The following SMOC1 variants were observed in gnomAD, a reference collection of about 807,000 sequenced individuals.
The protein encoded by SMOC1 is SPARC related modular calcium binding 1, also known as SPARC-related modular calcium-binding protein 1.
Under a neutral mutation model 56.3 loss-of-function variants are expected in SMOC1, and 22 were observed. That is an observed-to-expected ratio of 0.39 (90% CI 0.28 to 0.56). The LOEUF is 0.56. Among genes scored for constraint, SMOC1 ranks in the 20% least tolerant of loss-of-function variants. The pLI is 0.61. For synonymous variants in SMOC1, 193 were observed against 215.0 expected (o/e 0.90, Z 0.89); for missense variants, 509 against 565.4 (o/e 0.90, Z 1.01).
At chr14:69,909,180 G>A (rs2139342425) in intron 1 of SMOC1, among the ~76,000 whole-genome samples, 1 of 152,232 alleles carries the variant, frequency 6.6e-6, no homozygotes, top group Non-Finnish European at 1.5e-5. Context: ...ACTTTATCAA[G>A]TGCTGAAAAA....
chr14:69,962,246 T>G (rs1566689964), intron 3 of SMOC1, among the ~76,000 whole-genome samples: 1 of 152,168 alleles, frequency 6.6e-6, no homozygotes, highest in African/African-American at 2.4e-5. Flanking sequence ...CACTGCAACC[T>G]CTGCCTCCTG....
At chr14:69,947,020 C>T (rs1014827213) in intron 1 of SMOC1, among the ~76,000 whole-genome samples, 4 of 152,176 alleles carry the variant, frequency 2.6e-5, no homozygotes, top group African/African-American at 9.7e-5. Context: ...GTTATGCTTC[C>T]TGTACAGCCT....
chr14:69,936,033 A>C (rs542081626), intron 1 of SMOC1, among the ~76,000 whole-genome samples: 2 of 152,172 alleles, frequency 1.3e-5, no homozygotes, highest in African/African-American at 2.4e-5. Flanking sequence ...GGGAGAGCCA[A>C]TGTCCCTCCA....
chr14:69,919,638 G>C (rs1383802583), intron 1 of SMOC1, among the ~76,000 whole-genome samples: 1 of 152,176 alleles, frequency 6.6e-6, no homozygotes, highest in Non-Finnish European at 1.5e-5. Context: ...CTCAAGCTTG[G>C]CCCAGTGGGA....
intron 1 of SMOC1, among the ~76,000 whole-genome samples, chr14:69,938,304 C>T (rs1047342826): frequency 2.6e-5 from 4 of 152,062 alleles, no homozygotes; most frequent in Admixed American, 2.0e-4. Context: ...AGTCTTTTAT[C>T]GTGGGTGGGC....
At chr14:69,889,409 G>A (rs12587250) in intron 1 of SMOC1, among the ~76,000 whole-genome samples, 18,446 of 152,206 alleles carry the variant, frequency 0.12, 1,383 homozygotes, top group East Asian at 0.25. Context: ...CCCCTATGAT[G>A]GCATGTGTCA....
chr14:69,926,489 C>T (rs555059159), intron 1 of SMOC1, among the ~76,000 whole-genome samples: 5 of 152,200 alleles, frequency 3.3e-5, no homozygotes, highest in Admixed American at 1.3e-4. Context: ...AAGGGCCAGG[C>T]GGCAGATGCA....
At position 70,011,471 on chromosome 14, in the gene SMOC1, C is replaced by G; in HGVS notation, c.858-14C>G. ...CAGCCCCTCCCAACCCCCCCCATAT[C>G]TCTCTTTTCCCAGCTACGTGATGCC... On this transcript the variant is annotated splice_polypyrimidine_tract_variant and intron_variant, in intron 8 of 11. Transcript: ENST00000361956. 2 of 903,384 alleles carry G rather than the reference C, an allele frequency of 2.2e-6. No individual in the cohort carries two copies. Among genetic ancestry groups the G allele is most frequent in the Non-Finnish European group, 3.5e-6 (2 of 578,592 alleles). 56.0% of individuals were successfully genotyped at this position (903,384 alleles called of 1,614,324 possible). A position where few individuals can be genotyped will look rare whatever the true frequency, so the allele number is the denominator to read the frequency against.
chr14:69,969,230 G>A (rs1883674625), intron 3 of SMOC1, among the ~76,000 whole-genome samples: 1 of 152,182 alleles, frequency 6.6e-6, no homozygotes, highest in African/African-American at 2.4e-5. Context: ...TAAAAGTTAG[G>A]GGAGGGTCCC....
rs1397022018 is a variant in SMOC1 at position 69,997,716 on chromosome 14, T to C, written c.664+3236T>C. Among the ~76,000 whole-genome samples the C allele has an allele frequency of 2.6e-5, 4 of 152,192 alleles. No homozygotes were observed. The East Asian group carries it at 7.7e-4, about 29-fold the overall frequency. On this transcript the variant is annotated intron_variant, in intron 7 of 11. Transcript: ENST00000361956. ...ACTTGTCACATGTTATCATATTTGGTTTAATGAGAAGTCAGATATACCTTA... is the reference window on the plus strand; with the variant it reads ...ACTTGTCACATGTTATCATATTTGGCTTAATGAGAAGTCAGATATACCTTA...
chr14:69,947,409 A>G lies in SMOC1; in HGVS notation c.100-4729A>G, dbSNP rs140435784. Among the ~76,000 whole-genome samples the G allele has an allele frequency of 6.4e-4, 97 of 152,172 alleles. No individual in the cohort carries two copies. The Middle Eastern group carries it at 0.01, about 16-fold the overall frequency. On this transcript the variant is annotated intron_variant, in intron 1 of 11. Transcript: ENST00000361956. ...GGTCTTGAACTCCTGGGCTCAAGCA[A>G]TCCCACCTTCTTGACCTCCCAAAGT...
chr14:69,989,881 C>G (rs375319656), intron 5 of SMOC1, among the ~76,000 whole-genome samples: 1 of 152,170 alleles, frequency 6.6e-6, no homozygotes, highest in Non-Finnish European at 1.5e-5. Flanking sequence ...CCCAGGTGCC[C>G]GGAGATGATG....
At chr14:70,029,878 G>A (rs538972365) in intron 11 of SMOC1, among the ~76,000 whole-genome samples, 44 of 152,274 alleles carry the variant, frequency 2.9e-4, no homozygotes, top group Non-Finnish European at 5.6e-4. Context: ...AACCCCTGTC[G>A]TTTCCACCCC....
At chr14:69,976,009 G>A (rs1425962651) in intron 4 of SMOC1, among the ~76,000 whole-genome samples, 195 bp downstream of exon 4, 1 of 152,216 alleles carries the variant, frequency 6.6e-6, no homozygotes, top group African/African-American at 2.4e-5. Context: ...TGCCATGTGT[G>A]TGTATTTATG....
chr14:69,920,228 A>T (rs967552332), intron 1 of SMOC1, among the ~76,000 whole-genome samples: 2 of 152,336 alleles, frequency 1.3e-5, no homozygotes, highest in East Asian at 3.9e-4. Flanking sequence ...TCCTTCTGTG[A>T]TCTCTAGGTC....
At chr14:69,999,179 A>G (rs1157731103) in intron 7 of SMOC1, among the ~76,000 whole-genome samples, 1 of 152,160 alleles carries the variant, frequency 6.6e-6, no homozygotes, top group Non-Finnish European at 1.5e-5. Flanking sequence ...TCACAGTATC[A>G]GAGTGCTGCT....
At chr14:70,028,330 G>T (rs1886006536) in intron 11 of SMOC1, among the ~76,000 whole-genome samples, 1 of 152,130 alleles carries the variant, frequency 6.6e-6, no homozygotes, top group South Asian at 2.1e-4. Context: ...ACTGCCTGGG[G>T]CTCAGCCTTC....
chr14:69,999,444 C>T (rs1465058552), intron 7 of SMOC1, among the ~76,000 whole-genome samples: 3 of 152,236 alleles, frequency 2.0e-5, no homozygotes, highest in Non-Finnish European at 4.4e-5. Context: ...GCAAATACCC[C>T]ATGGCCACCT....
chr14:69,951,223 G>C (rs959873290), intron 1 of SMOC1, among the ~76,000 whole-genome samples: 2 of 152,136 alleles, frequency 1.3e-5, no homozygotes, highest in Admixed American at 6.5e-5. Flanking sequence ...GAGCTGCAAG[G>C]CTTCGTGTAA....
Sources: gnomAD v4.1 joint callset for allele counts (sites outside exome capture counted in the v4.1 genomes callset) on GRCh38, gnomAD v4.1.1 for gene constraint, MANE v1.5 for transcripts, NCBI Gene and HGNC (gene_info 2026-07-23, HGNC 2026-07-21) for gene names.